The following UNC13C variants were observed in gnomAD, a reference collection of about 807,000 sequenced individuals.
UNC13C encodes unc-13 homolog C.
In UNC13C, 174 loss-of-function variants were observed where a neutral mutation model predicts 245.4. That is an observed-to-expected ratio of 0.71 (90% confidence interval 0.63 to 0.80). UNC13C has a LOEUF of 0.80. UNC13C is among the 30% of genes least tolerant of loss of function. The pLI, the probability that UNC13C is intolerant of heterozygous loss-of-function variation, is 0.00. For missense variants in UNC13C, 2,829 were observed against 2,602.9 expected (o/e 1.09, Z -1.89); for synonymous variants, 992 against 895.1 (o/e 1.11, Z -1.93).
intron 2 of UNC13C, among the ~76,000 whole-genome samples, chr15:54,078,562 A>G (rs1288207850): frequency 1.3e-5 from 2 of 151,870 alleles, no homozygotes; most frequent in African/African-American, 2.4e-5. Context: ...TTTTATTTGC[A>G]TTTCTCTGAT....
intron 30 of UNC13C, among the ~76,000 whole-genome samples, chr15:54,597,172 C>T (rs1338966418): frequency 6.6e-6 from 1 of 152,100 alleles, no homozygotes; most frequent in Non-Finnish European, 1.5e-5. Context: ...GCTGTTGTGA[C>T]AGGAGGTGGA....
intron 8 of UNC13C, among the ~76,000 whole-genome samples, chr15:54,256,618 T>C (rs12908409): frequency 0.28 from 41,957 of 151,968 alleles, 6,036 homozygotes; most frequent in African/African-American, 0.34. Context: ...ACTCACCCCA[T>C]AGTCACTTAG....
At chr15:54,338,906 G>C (rs2038659128) in intron 17 of UNC13C, among the ~76,000 whole-genome samples, 2 of 152,102 alleles carry the variant, frequency 1.3e-5, no homozygotes, top group Non-Finnish European at 2.9e-5. Flanking sequence ...TCACTCTGTT[G>C]CCCAGGCTGG....
At chr15:54,248,878 G>A (rs2036067302) in intron 7 of UNC13C, among the ~76,000 whole-genome samples, 1 of 152,186 alleles carries the variant, frequency 6.6e-6, no homozygotes, top group Non-Finnish European at 1.5e-5. Context: ...AACACAGAGT[G>A]AGAGGAATGT....
intron 2 of UNC13C, among the ~76,000 whole-genome samples, chr15:54,035,837 TG>T (rs1005425759): frequency 1.3e-5 from 2 of 151,350 alleles, no homozygotes; most frequent in African/African-American, 4.9e-5. Context: ...TTTCACAAGG[TG>T]GGGAGGTATT....
intron 30 of UNC13C, among the ~76,000 whole-genome samples, chr15:54,600,487 C>T (rs1899351153): frequency 6.6e-6 from 1 of 152,012 alleles, no homozygotes; most frequent in South Asian, 2.1e-4. Context: ...AAGATGAGCT[C>T]AGCTAGATTA....
intron 18 of UNC13C, among the ~76,000 whole-genome samples, chr15:54,396,089 C>G (rs2040064001): frequency 6.6e-6 from 1 of 151,482 alleles, no homozygotes; most frequent in South Asian, 2.1e-4. Flanking sequence ...CTCTGTCTTT[C>G]TAACAGGTTT....
Position 54,218,636 on chromosome 15 carries a change from A to G in UNC13C, c.3072-16394A>G, listed in dbSNP as rs1309273219. On this transcript the variant is annotated intron_variant, in intron 4 of 32. Coordinates refer to ENST00000260323, the MANE Select transcript of UNC13C (RefSeq NM_001080534.3). ...ACTGGGATGTAAAGGGGTTTGTTCT[A>G]TATCCTGTAAGCAATCAGGGATACT... is the stretch of plus-strand genomic sequence containing the variant. Among the ~76,000 whole-genome samples, 3 of 151,942 alleles carry G rather than the reference A, an allele frequency of 2.0e-5. No individual in the cohort carries two copies. In the East Asian group the frequency reaches 5.8e-4, roughly 29 times the overall value.
intron 7 of UNC13C, among the ~76,000 whole-genome samples, chr15:54,249,258 CAATACT>C (rs559185761): frequency 2.0e-4 from 31 of 151,604 alleles, no homozygotes; most frequent in Admixed American, 9.2e-4. Context: ...CATCCAGCAT[CAATACT>C]AATACTAAGT....
chr15:54,328,859 TA>T (rs2038365616), intron 14 of UNC13C, among the ~76,000 whole-genome samples: 1 of 152,144 alleles, frequency 6.6e-6, no homozygotes, highest in African/African-American at 2.4e-5. Flanking sequence ...TGTGAAACAT[TA>T]AAACTATCTA....
At chr15:53,931,027 A>T in the UNC13C span, among the ~76,000 whole-genome samples, 4 of 152,190 alleles carry the variant, frequency 2.6e-5, no homozygotes, top group African/African-American at 9.7e-5. Context: ...CACTTAAGAG[A>T]TTTGCCAGGG....
rs1001957870 is a variant in UNC13C, at chr15:54,176,759, C to G, written c.3071+33075C>G. Among the ~76,000 whole-genome samples, 3 of 151,920 alleles carry G rather than the reference C, an allele frequency of 2.0e-5. No homozygotes were observed. The South Asian group carries it at 6.2e-4, about 32-fold the overall frequency. On this transcript the variant is annotated intron_variant, in intron 4 of 32. Transcript: ENST00000260323. Reference sequence around the variant, plus strand: ...TTGACATGGGTTTAATATTTGAAGACTAAGATATTAAAATCTAATGTTAAA... The same window carrying G: ...TTGACATGGGTTTAATATTTGAAGAGTAAGATATTAAAATCTAATGTTAAA...
chr15:54,193,588 C>T (rs183944544), intron 4 of UNC13C, among the ~76,000 whole-genome samples: 5 of 152,248 alleles, frequency 3.3e-5, no homozygotes, highest in African/African-American at 1.2e-4. Flanking sequence ...TGCACTCACA[C>T]CCCCAGCCCT....
chr15:53,987,904 A>G (rs1350036208), intron 1 of UNC13C, among the ~76,000 whole-genome samples: 1 of 151,994 alleles, frequency 6.6e-6, no homozygotes, highest in Non-Finnish European at 1.5e-5. Context: ...TTTGGCATCT[A>G]GGGAGTTTCT....
intron 26 of UNC13C, among the ~76,000 whole-genome samples, chr15:54,543,769 C>T: frequency 6.6e-6 from 1 of 152,040 alleles, no homozygotes; most frequent in Non-Finnish European, 1.5e-5. Flanking sequence ...CCTGAATAGA[C>T]CAATAACAAG....
chr15:54,465,384 A>G (rs1242416445), intron 19 of UNC13C, among the ~76,000 whole-genome samples: 1 of 152,062 alleles, frequency 6.6e-6, no homozygotes, highest in Non-Finnish European at 1.5e-5. Context: ...TATGGCTTCT[A>G]TGCTTTATAA....
chr15:54,356,765 C>T (rs1157351735), intron 17 of UNC13C, among the ~76,000 whole-genome samples: 1 of 152,184 alleles, frequency 6.6e-6, no homozygotes, highest in East Asian at 1.9e-4. Flanking sequence ...GGATACCCAA[C>T]ATTCAGACCG....
intron 8 of UNC13C, among the ~76,000 whole-genome samples, chr15:54,250,757 T>TTCTTTCTTTC (rs1353383800): frequency 1.2e-4 from 6 of 49,974 alleles, no homozygotes; most frequent in African/African-American, 4.6e-4. Flanking sequence ...TTCTTTTTTT[T>TTCTTTCTTTC]TTTTTTTTTT....
At chr15:54,038,122 A>ATTTTTTTTTTTTT (rs1355738786) in intron 2 of UNC13C, among the ~76,000 whole-genome samples, 55 of 50,230 alleles carry the variant, frequency 1.1e-3, no homozygotes, top group Non-Finnish European at 1.2e-3. Context: ...ATATATATAT[A>ATTTTTTTTTTTTT]TATTTTTTTT....
Sources: allele counts gnomAD v4.1 joint callset (sites outside exome capture counted in the v4.1 genomes callset), GRCh38; gene constraint gnomAD v4.1.1; transcripts MANE v1.5; gene names NCBI Gene and HGNC (gene_info 2026-07-23, HGNC 2026-07-21).